CCR7: variants seen among roughly 807,000 people sequenced by gnomAD.
The protein encoded by CCR7 is C-C motif chemokine receptor 7, also known as C-C chemokine receptor type 7.
A neutral mutation model predicts 26.0 loss-of-function variants in CCR7; 11 were observed. The ratio of observed to expected loss-of-function variants is 0.42; its 90% CI spans 0.27 to 0.70. The LOEUF (loss-of-function observed/expected upper bound fraction) is 0.70, where lower values mean the gene tolerates loss of function less well. Among genes scored for constraint, CCR7 ranks in the 30% least tolerant of loss-of-function variants. The probability of loss-of-function intolerance (pLI) is 0.23; values close to 1 mark genes in which losing one functional copy is unlikely to be tolerated. For missense variants in CCR7, 360 were observed against 504.0 expected (o/e 0.71, Z 2.74); for synonymous variants, 189 against 202.1 (o/e 0.94, Z 0.55).
rs1018793447 is a variant in CCR7, at chr17:40,558,884, G to C, written c.60+9C>G. 6.2e-7 allele frequency: 1 copy of C among 1,613,060 alleles called. No homozygotes were observed. Among genetic ancestry groups the C allele is most frequent in the African/African-American group, 1.3e-5 (1 of 75,006 alleles). Reference sequence around the variant, plus strand: ...AGGGAACAGAGCTTTCCTTGGCAGAGAACCTCACCTGGAAAATGACAAGGA... The same window carrying C: ...AGGGAACAGAGCTTTCCTTGGCAGACAACCTCACCTGGAAAATGACAAGGA... On this transcript the variant is annotated intron_variant, in intron 2 of 2. Coordinates refer to ENST00000246657, the MANE Select transcript of CCR7 (RefSeq NM_001838.4).
chr17:40,554,680 G>T lies in CCR7; in HGVS notation c.*62C>A. On this transcript the variant is annotated 3_prime_UTR_variant, in exon 3 of 3. Coordinates refer to ENST00000246657, the MANE Select transcript of CCR7 (RefSeq NM_001838.4). ...GGGGATGTCCTGAGTCATTGCATCTGCTCCCTATCCCCACCCCAGGGACCC... is the reference window on the plus strand; with the variant it reads ...GGGGATGTCCTGAGTCATTGCATCTTCTCCCTATCCCCACCCCAGGGACCC... The T allele has an allele frequency of 7.6e-7, 1 of 1,317,696 alleles. No homozygotes were observed. The highest frequency in any genetic ancestry group is 1.1e-6 in the Non-Finnish European group (1 of 949,940). 81.6% of individuals were successfully genotyped at this position (1,317,696 alleles called of 1,614,324 possible).
At chr17:40,562,141 A>C (rs1158728368) in intron 1 of CCR7, among the ~76,000 whole-genome samples, 2 of 151,890 alleles carry the variant, frequency 1.3e-5, no homozygotes, top group Non-Finnish European at 2.9e-5. Flanking sequence ...AAACCCTCCA[A>C]CTCCAGCAAC....
chr17:40,557,366 G>T (rs553161120), intron 2 of CCR7, among the ~76,000 whole-genome samples: 1 of 152,232 alleles, frequency 6.6e-6, no homozygotes, highest in Non-Finnish European at 1.5e-5. Context: ...GCTCAGCGAC[G>T]GTGGGTTTCT....
chr17:40,564,380 G>C (rs554654727), intron 1 of CCR7, among the ~76,000 whole-genome samples: 11 of 152,332 alleles, frequency 7.2e-5, no homozygotes, highest in Admixed American at 2.6e-4. Context: ...TGAAATCAAG[G>C]AGGCTGTGGT....
At position 40,554,499 on chromosome 17, in the gene CCR7, C is replaced by T. The variant is rs1359248331; in HGVS notation, c.*243G>A. On this transcript the variant is annotated 3_prime_UTR_variant, in exon 3 of 3. Transcript: ENST00000246657. Reference sequence around the variant, plus strand: ...AGTTTTTGGTTTAGGGGACAATAGCCTCTGTTTCCCAGTGTTGTCTGTCTG... The same window carrying T: ...AGTTTTTGGTTTAGGGGACAATAGCTTCTGTTTCCCAGTGTTGTCTGTCTG... 5.7e-6 allele frequency: 3 copies of T among 530,408 alleles called. No homozygotes were observed. The highest frequency in any genetic ancestry group is 1.0e-5 in the Non-Finnish European group (3 of 300,162). 32.9% of individuals were successfully genotyped at this position (530,408 alleles called of 1,614,324 possible).
At position 40,553,994 on chromosome 17, in the gene CCR7, TC is replaced by T. The variant is rs2036545339; in HGVS notation, c.*747del. 6.6e-6 allele frequency: 1 copy of T among 151,960 alleles called. No homozygotes were observed. Among genetic ancestry groups the T allele is most frequent in the African/African-American group, 2.4e-5 (1 of 41,342 alleles). 9.4% of individuals were successfully genotyped at this position (151,960 alleles called of 1,614,324 possible). ...CCCTGACATTTCCCTTGTCCTCTCC[TC>T]CCATCCCAGTGGAGCCAAGAGCTGA... On this transcript the variant is annotated 3_prime_UTR_variant, in exon 3 of 3. Transcript: ENST00000246657.
intron 2 of CCR7, among the ~76,000 whole-genome samples, chr17:40,557,156 C>T (rs777259071): frequency 2.6e-5 from 4 of 152,218 alleles, no homozygotes; most frequent in Non-Finnish European, 4.4e-5. Context: ...CAGGACTCAG[C>T]TGCTGGAGCT....
At chr17:40,562,678 G>A (rs2036667520) in intron 1 of CCR7, among the ~76,000 whole-genome samples, 1 of 152,102 alleles carries the variant, frequency 6.6e-6, no homozygotes, top group Non-Finnish European at 1.5e-5. Context: ...TTAAGGATTG[G>A]GTCTCCTGTG....
chr17:40,557,430 C>T (rs1165999454), intron 2 of CCR7, among the ~76,000 whole-genome samples: 2 of 152,232 alleles, frequency 1.3e-5, no homozygotes, highest in Non-Finnish European at 2.9e-5. Flanking sequence ...CTTTTTCACA[C>T]CCAGGTTCTG....
intron 1 of CCR7, among the ~76,000 whole-genome samples, chr17:40,563,966 C>T (rs1351267994): frequency 2.6e-5 from 4 of 152,064 alleles, no homozygotes; most frequent in Admixed American, 1.3e-4. Context: ...CAGTGCTCCA[C>T]CCCGGGGAGC....
chr17:40,555,506 C>T lies in CCR7; in HGVS notation c.373G>A (p.Gly125Ser), dbSNP rs748522049. Residue 125 changes from glycine (G) to serine (S), a missense_variant, in exon 3 of 3, where the codon GGT (glycine) becomes AGT (serine). Transcript: ENST00000246657. This position sits in a 1 kb window ranked among gnomAD's most constrained non-coding sequence, Gnocchi z 5.6. ...AYSAAKSWVF[G>S]VHFCKLIFAI... The stretch of plus-strand genomic sequence containing the variant: ...AAGATGAGCTTGCAAAAGTGGACAC[C>T]GAAGACCCAGGACTTGGCCGCGCTG... 24 of 1,613,984 alleles carry T rather than the reference C, an allele frequency of 1.5e-5. No individual in the cohort carries two copies. Among genetic ancestry groups the T allele is most frequent in the Middle Eastern group, 1.6e-4 (1 of 6,062 alleles).
intron 1 of CCR7, among the ~76,000 whole-genome samples, chr17:40,562,661 C>A (rs1286159325): frequency 6.6e-6 from 1 of 152,148 alleles, no homozygotes; most frequent in African/African-American, 2.4e-5. Context: ...GGATGCCGTA[C>A]CACGTTTTAA....
rs2036582545 is a variant in CCR7 at position 40,555,900 on chromosome 17, GTTTC to G, written c.61-86_61-83del. Reference sequence around the variant, plus strand: ...GGCTGGGATTTAGCCTAGAGCAGTGGTTTCTTTCTTTTTTTTTTTTCTTGAGACA... The same window carrying G: ...GGCTGGGATTTAGCCTAGAGCAGTGGTTTCTTTTTTTTTTTTCTTGAGACA... On this transcript the variant is annotated intron_variant, in intron 2 of 2. Coordinates refer to ENST00000246657, the MANE Select transcript of CCR7 (RefSeq NM_001838.4). This position sits in a 1 kb window ranked among gnomAD's most constrained non-coding sequence, Gnocchi z 5.6. 2.1e-6 allele frequency: 2 copies of G among 943,414 alleles called. No homozygotes were observed. The highest frequency in any genetic ancestry group is 2.4e-5 in the East Asian group (1 of 41,348). The allele number at this position is 943,414 out of a possible 1,614,324, so 58.4% of individuals were successfully genotyped here.
rs149803285 is a variant in CCR7, at chr17:40,553,779, A to G, written c.*963T>C. The G allele has an allele frequency of 6.6e-5, 10 of 152,232 alleles. No individual in the cohort carries two copies. The highest frequency in any genetic ancestry group is 2.2e-4 in the African/African-American group (9 of 41,524). The allele number at this position is 152,232 out of a possible 1,614,324, so 9.4% of individuals were successfully genotyped here. On this transcript the variant is annotated 3_prime_UTR_variant, in exon 3 of 3. Transcript: ENST00000246657. ...ACAAAGACACGCTCATTTGCCATTT[A>G]CCAAAGACTTTTTTTTTCTTTTTCT...
intron 1 of CCR7, among the ~76,000 whole-genome samples, chr17:40,562,753 G>A (rs2036668188): frequency 6.6e-6 from 1 of 152,016 alleles, no homozygotes; most frequent in Non-Finnish European, 1.5e-5. Context: ...CCCTCCGCTT[G>A]CTTCTTTCTT....
At chr17:40,558,620 G>A (rs1449679690) in intron 2 of CCR7, among the ~76,000 whole-genome samples, 2 of 152,126 alleles carry the variant, frequency 1.3e-5, no homozygotes, top group African/African-American at 4.8e-5. Flanking sequence ...TCTGTCTCCT[G>A]GGCAGGGAGA....
intron 1 of CCR7, 123 bp from the exon 2 acceptor site, chr17:40,559,065 T>C: frequency 1.3e-6 from 1 of 763,696 alleles, no homozygotes; most frequent in Non-Finnish European, 2.2e-6. Flanking sequence ...CTGTGTTTGC[T>C]GAAAGAGAAC....
In CCR7 at chr17:40,555,243, G is replaced by A. The variant is rs772737631; in HGVS notation, c.636C>T (p.Leu212=). 4.3e-6 allele frequency: 7 copies of A among 1,613,962 alleles called. No individual in the cohort carries two copies. In the African/African-American group the frequency reaches 6.7e-5, roughly 15 times the overall value. ...TAAAGGCCTCCACATGCTCTGTGAT[G>A]AGAGAGCATCGCATCGCTTGCTCAC... is the stretch of plus-strand genomic sequence containing the variant. ...SSSEQAMRCS[L]ITEHVEAFIT... The change falls in exon 3 of 3, where the codon CTC becomes CTT. Residue 212 remains leucine (L), a synonymous_variant. Transcript: ENST00000246657. This position sits in a 1 kb window ranked among gnomAD's most constrained non-coding sequence, Gnocchi z 5.6.
At chr17:40,563,442 C>T (rs752189052) in intron 1 of CCR7, among the ~76,000 whole-genome samples, 11 of 152,110 alleles carry the variant, frequency 7.2e-5, no homozygotes, top group African/African-American at 1.4e-4. Context: ...TCTCATTGCT[C>T]GAAGGTGGGG....
Sources: gnomAD v4.1 joint callset for allele counts (sites outside exome capture counted in the v4.1 genomes callset) on GRCh38, gnomAD v4.1.1 for gene constraint, Gnocchi (gnomAD v3.1) non-coding constraint, MANE v1.5 for transcripts, NCBI Gene and HGNC (gene_info 2026-07-23, HGNC 2026-07-21) for gene names.